DDX10: variants seen among roughly 807,000 people sequenced by gnomAD.
The protein encoded by DDX10 is DEAD-box helicase 10, also known as probable ATP-dependent RNA helicase DDX10.
A neutral mutation model predicts 104.3 loss-of-function variants in DDX10; 74 were observed. That is an observed-to-expected ratio of 0.71 (90% CI 0.59 to 0.86). DDX10 has a LOEUF of 0.86. DDX10 is among the 40% of genes least tolerant of loss of function. The pLI is 0.00. For missense variants in DDX10, 952 were observed against 1,040.0 expected (o/e 0.92, Z 1.16); for synonymous variants, 351 against 353.4 (o/e 0.99, Z 0.08).
chr11:108,878,713 C>G (rs1422937552), intron 16 of DDX10, among the ~76,000 whole-genome samples: 1 of 151,904 alleles, frequency 6.6e-6, no homozygotes, highest in East Asian at 1.9e-4. Context: ...GTGGTGAATA[C>G]TTGCCTTCCT....
At chr11:108,833,611 G>C (rs1862504418) in intron 13 of DDX10, among the ~76,000 whole-genome samples, 1 of 152,212 alleles carries the variant, frequency 6.6e-6, no homozygotes, top group Non-Finnish European at 1.5e-5. Flanking sequence ...GCAGGACACA[G>C]AACTCTTTCA....
chr11:108,715,558 A>G (rs2094290274), intron 10 of DDX10, among the ~76,000 whole-genome samples: 2 of 152,208 alleles, frequency 1.3e-5, no homozygotes, highest in African/African-American at 4.8e-5. Context: ...TCCATTTCAT[A>G]TAGAATGGAT....
At chr11:108,773,505 C>T (rs116158025) in intron 13 of DDX10, among the ~76,000 whole-genome samples, 2,351 of 152,138 alleles carry the variant, frequency 0.015, 44 homozygotes, top group Middle Eastern at 0.054. Flanking sequence ...CTAGGAGATC[C>T]ATGAGCCTTT....
chr11:108,688,800 T>A, intron 6 of DDX10, 136 bp from the exon 7 acceptor site: 1 of 818,788 alleles, frequency 1.2e-6, no homozygotes, highest in Non-Finnish European at 1.9e-6. Context: ...TAGAGAAAAA[T>A]TCTTTTTTTG....
chr11:108,838,349 T>C (rs1862585377), intron 13 of DDX10, 97 bp from the exon 14 acceptor site: 1 of 1,305,554 alleles, frequency 7.7e-7, no homozygotes. Flanking sequence ...GAGTAATAAA[T>C]GTACCCAGTT....
At chr11:108,870,961 G>A (rs1488736400) in intron 16 of DDX10, among the ~76,000 whole-genome samples, 4 of 152,158 alleles carry the variant, frequency 2.6e-5, no homozygotes, top group African/African-American at 4.8e-5. Context: ...AAGAATTATA[G>A]CATATTGTTT....
intron 6 of DDX10, among the ~76,000 whole-genome samples, chr11:108,688,033 A>G (rs534752922): frequency 6.6e-6 from 1 of 152,284 alleles, no homozygotes; most frequent in South Asian, 2.1e-4. Flanking sequence ...CTCCTCAGCA[A>G]TATATGGATA....
intron 13 of DDX10, among the ~76,000 whole-genome samples, chr11:108,735,410 G>C (rs960687104): frequency 2.6e-5 from 4 of 152,134 alleles, no homozygotes; most frequent in Non-Finnish European, 5.9e-5. Flanking sequence ...TATGGTAGGG[G>C]CAAGATGAAG....
chr11:108,707,561 G>A (rs2094277840), intron 10 of DDX10, among the ~76,000 whole-genome samples: 2 of 152,146 alleles, frequency 1.3e-5, no homozygotes, highest in East Asian at 3.9e-4. Context: ...TATATAACCA[G>A]CTATAGCCTG....
At chr11:108,838,390 TA>T in intron 13 of DDX10, 55 bp from the exon 14 acceptor site, 3 of 1,566,398 alleles carry the variant, frequency 1.9e-6, no homozygotes, top group Non-Finnish European at 2.6e-6. Context: ...GTTGGATTGT[TA>T]ATATAAAGCA....
intron 13 of DDX10, among the ~76,000 whole-genome samples, chr11:108,741,912 G>C (rs1297466032): frequency 6.6e-6 from 1 of 152,068 alleles, no homozygotes; most frequent in Non-Finnish European, 1.5e-5. Flanking sequence ...AAAGCTAGAA[G>C]AAGAAGACAA....
At chr11:108,766,459 A>T (rs1353209049) in intron 13 of DDX10, among the ~76,000 whole-genome samples, 1 of 152,184 alleles carries the variant, frequency 6.6e-6, no homozygotes, top group Non-Finnish European at 1.5e-5. Context: ...CTTGAAAACC[A>T]TTGTAAATGC....
In DDX10 at chr11:108,728,504, C is replaced by CTTTTTTTTT. The variant is rs71050884; in HGVS notation, c.1965+5061_1965+5069dup. Among the ~76,000 whole-genome samples the CTTTTTTTTT allele has an allele frequency of 2.5e-4, 31 of 121,808 alleles. 6 individuals carry two copies. The highest frequency in any genetic ancestry group is 1.1e-3 in the African/African-American group (28 of 24,426). The allele number at this position is 121,808 out of a possible 152,430, so 79.9% of individuals were successfully genotyped here. ...TTTTAAGTATACATACACATTTGTT[C>CTTTTTTTTT]TTTTTTTTTTTTTTTTTTTTTTTTT... On this transcript the variant is annotated intron_variant, in intron 13 of 17. Coordinates refer to ENST00000322536, the MANE Select transcript of DDX10 (RefSeq NM_004398.4).
At chr11:108,820,148 G>A (rs1429841926) in intron 13 of DDX10, among the ~76,000 whole-genome samples, 1 of 152,196 alleles carries the variant, frequency 6.6e-6, no homozygotes, top group Non-Finnish European at 1.5e-5. Flanking sequence ...CCTCAAAAGG[G>A]TGGTTGTGCC....
intron 13 of DDX10, among the ~76,000 whole-genome samples, chr11:108,833,776 AC>A: frequency 6.6e-6 from 1 of 152,006 alleles, no homozygotes; most frequent in South Asian, 2.1e-4. Context: ...CCTTTATTCC[AC>A]TGACAATTTT....
chr11:108,903,291 A>G (rs889966515), intron 16 of DDX10, among the ~76,000 whole-genome samples: 4 of 152,104 alleles, frequency 2.6e-5, no homozygotes, highest in Non-Finnish European at 5.9e-5. Context: ...TAGACATTCC[A>G]TATAAGTGGA....
chr11:108,677,359 C>A, intron 4 of DDX10, 116 bp downstream of exon 4: 1 of 904,626 alleles, frequency 1.1e-6, no homozygotes, highest in Non-Finnish European at 1.6e-6. Context: ...AGACCAGGGC[C>A]TCATGGGATA....
intron 13 of DDX10, among the ~76,000 whole-genome samples, chr11:108,749,171 A>G (rs892919534): frequency 2.6e-5 from 4 of 151,848 alleles, no homozygotes; most frequent in African/African-American, 9.7e-5. Context: ...AGCTGCTGGG[A>G]TTACAGGCGT....
At chr11:108,869,455 A>G (rs1863052363) in intron 16 of DDX10, among the ~76,000 whole-genome samples, 1 of 152,116 alleles carries the variant, frequency 6.6e-6, no homozygotes, top group African/African-American at 2.4e-5. Context: ...GTCAATTGTG[A>G]ATTGTTACAG....
Sources: allele counts gnomAD v4.1 joint callset (sites outside exome capture counted in the v4.1 genomes callset), GRCh38; gene constraint gnomAD v4.1.1; transcripts MANE v1.5; gene names NCBI Gene and HGNC (gene_info 2026-07-23, HGNC 2026-07-21).